Variants in ADAMTS14 observed in about 807,000 individuals in gnomAD.
ADAMTS14 encodes ADAM metallopeptidase with thrombospondin type 1 motif 14.
In ADAMTS14, 100 loss-of-function variants were observed where a neutral mutation model predicts 128.6. That is an observed-to-expected ratio of 0.78 (90% CI 0.66 to 0.92). The LOEUF (loss-of-function observed/expected upper bound fraction) is 0.92. ADAMTS14 is among the 40% of genes least tolerant of loss of function. ADAMTS14 has a pLI of 0.00. For synonymous variants in ADAMTS14, 665 were observed against 653.8 expected, an observed-to-expected ratio of 1.02 and a Z score of -0.26; for missense variants, 1,562 against 1,658.6, an observed-to-expected ratio of 0.94 and a Z score of 1.01.
intron 4 of ADAMTS14, among the ~76,000 whole-genome samples, chr10:70,726,105 T>C (rs1052823811): frequency 2.6e-5 from 4 of 152,184 alleles, no homozygotes; most frequent in African/African-American, 9.7e-5. Context: ...TCTAGGCCAG[T>C]TACCAGGGAG....
chr10:70,741,099 C>A lies in ADAMTS14; in HGVS notation c.1861C>A (p.Arg621Ser). 6.2e-7 allele frequency: 1 copy of A among 1,613,980 alleles called. No homozygotes were observed. Among genetic ancestry groups the A allele is most frequent in the Admixed American group, 1.7e-5 (1 of 60,028 alleles). The part of the protein sequence containing the change: ...EDFRAQQCAK[R>S]NSYYVHQNAK... ...CTTCCGGGCCCAGCAGTGTGCCAAGCGCAACTCCTACTATGTGCACCAGAA... is the reference window on the plus strand; with the variant it reads ...CTTCCGGGCCCAGCAGTGTGCCAAGAGCAACTCCTACTATGTGCACCAGAA... Residue 621 changes from arginine (R) to serine (S), a missense_variant, in exon 12 of 22, where the codon CGC becomes AGC. Transcript: ENST00000373207.
chr10:70,760,318 C>T, intron 21 of ADAMTS14, 42 bp from the exon 22 acceptor site: 1 of 1,506,008 alleles, frequency 6.6e-7, no homozygotes, highest in Non-Finnish European at 8.8e-7. Flanking sequence ...TGACAGGCAT[C>T]CCCACGTTGC....
intron 4 of ADAMTS14, among the ~76,000 whole-genome samples, chr10:70,728,947 G>T (rs961522089): frequency 4.6e-5 from 7 of 152,230 alleles, no homozygotes; most frequent in African/African-American, 1.7e-4. Context: ...CCTGAGCCAG[G>T]TGACCTGTCT....
rs767974463 is a variant in ADAMTS14 at position 70,708,742 on chromosome 10, G to A, written c.834G>A (p.Glu278=). ...CGGTGGTTCGCTTCCATGGCAAGGA[G>A]CATGTGCAGAACTATGTCCTCACCC... is the stretch of plus-strand genomic sequence containing the variant. ...DDSVVRFHGK[E]HVQNYVLTLM... Residue 278 remains glutamate, a synonymous_variant, in exon 4 of 22, where the codon GAG becomes GAA. Coordinates refer to ENST00000373207, the MANE Select transcript of ADAMTS14 (RefSeq NM_080722.4). 4 of 1,592,766 alleles carry A rather than the reference G, an allele frequency of 2.5e-6. No individual in the cohort carries two copies. Among genetic ancestry groups the A allele is most frequent in the Admixed American group, 1.7e-5 (1 of 59,224 alleles).
At chr10:70,704,130 C>G (rs147092565) in intron 3 of ADAMTS14, among the ~76,000 whole-genome samples, 1 of 152,140 alleles carries the variant, frequency 6.6e-6, no homozygotes, top group South Asian at 2.1e-4. Context: ...GCCTAGCAGC[C>G]GGCTAAAGGC....
At chr10:70,679,676 A>C (rs1839745817) in intron 2 of ADAMTS14, among the ~76,000 whole-genome samples, 1 of 152,186 alleles carries the variant, frequency 6.6e-6, no homozygotes, top group Non-Finnish European at 1.5e-5. Context: ...GCTTGGCTGC[A>C]CCGTGTTTCC....
At chr10:70,675,177 G>A (rs978162436) in intron 2 of ADAMTS14, among the ~76,000 whole-genome samples, 182 bp downstream of exon 2, 3 of 152,194 alleles carry the variant, frequency 2.0e-5, no homozygotes, top group Non-Finnish European at 4.4e-5. Flanking sequence ...GTGTGAAGTG[G>A]CCAAGTTGGG....
intron 2 of ADAMTS14, among the ~76,000 whole-genome samples, chr10:70,689,026 C>A (rs1330496532): frequency 9.4e-6 from 1 of 106,798 alleles, no homozygotes; most frequent in African/African-American, 2.8e-5. Flanking sequence ...CCCCTTGAGG[C>A]TGGCAGGGGC....
chr10:70,731,841 CG>C (rs778393701), intron 6 of ADAMTS14, among the ~76,000 whole-genome samples: 1 of 152,126 alleles, frequency 6.6e-6, no homozygotes, highest in Non-Finnish European at 1.5e-5. Flanking sequence ...GTTGCAGGGT[CG>C]GGGTAGGCTC....
intron 11 of ADAMTS14, 32 bp downstream of exon 11, chr10:70,739,022 G>T: frequency 6.3e-7 from 1 of 1,578,402 alleles, no homozygotes; most frequent in South Asian, 1.2e-5. Context: ...GGGGAGGGCA[G>T]GGAGTCCCTC....
At chr10:70,752,289 C>T (rs1002217160) in intron 18 of ADAMTS14, 62 bp downstream of exon 18, 25 of 1,588,124 alleles carry the variant, frequency 1.6e-5, no homozygotes, top group South Asian at 9.1e-5. Context: ...CCCCAGGCAG[C>T]GGGGCTGCTG....
chr10:70,708,916 C>T, intron 4 of ADAMTS14, 138 bp downstream of exon 4: 1 of 679,634 alleles, frequency 1.5e-6, no homozygotes, highest in Non-Finnish European at 2.2e-6. Flanking sequence ...GAAGTCATTG[C>T]TTGCTCCTTA....
At chr10:70,753,659 G>A in intron 18 of ADAMTS14, 141 bp from the exon 19 acceptor site, 2 of 837,462 alleles carry the variant, frequency 2.4e-6, no homozygotes, top group Non-Finnish European at 3.7e-6. Flanking sequence ...GAGCCAGGTG[G>A]ACAGTTGTCC....
Position 70,750,005 on chromosome 10 carries a change from G to T in ADAMTS14, c.2427+20G>T. 4 of 1,610,232 alleles carry T rather than the reference G, an allele frequency of 2.5e-6. No individual in the cohort carries two copies. Among genetic ancestry groups the T allele is most frequent in the Non-Finnish European group, 3.4e-6 (4 of 1,177,414 alleles). ...ATCCTGGTGAGCCCCACTCTGTGCG[G>T]TGGCAACCCCTGCCCACCCCACTTG... On this transcript the variant is annotated intron_variant, in intron 16 of 21. Transcript: ENST00000373207.
chr10:70,733,736 C>A (rs565356950), intron 7 of ADAMTS14, 149 bp from the exon 8 acceptor site: 2 of 989,208 alleles, frequency 2.0e-6, no homozygotes, highest in African/African-American at 1.6e-5. Flanking sequence ...TTGGTCCTCC[C>A]CACTACGTGG....
At chr10:70,682,242 G>A (rs1019856551) in intron 2 of ADAMTS14, among the ~76,000 whole-genome samples, 1 of 152,216 alleles carries the variant, frequency 6.6e-6, no homozygotes, top group East Asian at 1.9e-4. Context: ...TAGTCATAGG[G>A]GGTGGGATTA....
intron 15 of ADAMTS14, among the ~76,000 whole-genome samples, chr10:70,746,555 C>G (rs1842184398): frequency 6.6e-6 from 1 of 152,174 alleles, no homozygotes; most frequent in Non-Finnish European, 1.5e-5. Context: ...CGCCTGTAAT[C>G]CCAACACTTT....
At chr10:70,755,930 C>T (rs1290362102) in intron 19 of ADAMTS14, among the ~76,000 whole-genome samples, 1 of 152,172 alleles carries the variant, frequency 6.6e-6, no homozygotes, top group African/African-American at 2.4e-5. Context: ...CATTTGATCA[C>T]AATGCTGTTT....
chr10:70,712,952 C>G (rs143150634), intron 4 of ADAMTS14, among the ~76,000 whole-genome samples: 1 of 152,298 alleles, frequency 6.6e-6, no homozygotes, highest in East Asian at 1.9e-4. Flanking sequence ...GATTCTGTCT[C>G]TTCTGCAACT....
Sources: gnomAD v4.1 joint callset for allele counts (sites outside exome capture counted in the v4.1 genomes callset) on GRCh38, gnomAD v4.1.1 for gene constraint, MANE v1.5 for transcripts, NCBI Gene and HGNC (gene_info 2026-07-23, HGNC 2026-07-21) for gene names.